JADE2: variants seen among roughly 807,000 people sequenced by gnomAD.
JADE2 encodes E3 ubiquitin-protein ligase Jade-2.
JADE2 carries 13 observed loss-of-function variants against 85.7 expected under a neutral mutation model. That is an observed-to-expected ratio of 0.15 (90% CI 0.10 to 0.24). JADE2 has a LOEUF of 0.24. Ranked by LOEUF, JADE2 falls within the 10% of genes least tolerant of loss-of-function variation. The pLI is 1.00. For missense variants in JADE2, 846 were observed against 1,115.9 expected (o/e 0.76, Z 3.45); for synonymous variants, 440 against 456.1 (o/e 0.96, Z 0.45).
chr5:134,556,434 ACACACACACACAC>A (rs1375667233), intron 4 of JADE2, among the ~76,000 whole-genome samples: 2 of 145,638 alleles, frequency 1.4e-5, no homozygotes, highest in East Asian at 2.0e-4. Context: ...ACATCACACA[ACACACACACACAC>A]CACACACACA....
At position 134,562,438 on chromosome 5, in the gene JADE2, T is replaced by G; in HGVS notation, c.852+71T>G. ...GAAGTGGGTCTGCATGGGACTCAGG[T>G]AGCAGAGCACTGGGAAAAGAAGGTG... On this transcript the variant is annotated intron_variant, in intron 7 of 11. Transcript: ENST00000681547. The surrounding 1 kb of genome is among the most constrained non-coding windows in gnomAD (Gnocchi z 4.6). The G allele has an allele frequency of 2.1e-6, 3 of 1,442,434 alleles. No individual in the cohort carries two copies. The highest frequency in any genetic ancestry group is 2.0e-5 in the Admixed American group (1 of 49,618). The allele number at this position is 1,442,434 out of a possible 1,614,324, so 89.4% of individuals were successfully genotyped here.
chr5:134,566,347 G>C lies in JADE2; in HGVS notation c.1201G>C (p.Glu401Gln), dbSNP rs1009290074. The change falls in exon 9 of 12, where the codon GAG (glutamate) becomes CAG (glutamine). Residue 401 changes from glutamate to glutamine, a missense_variant. By Grantham distance (29) the Glu-to-Gln change is conservative. Around this residue, in one of 9 missense-constraint regions of JADE2, gnomAD observed 88 missense variants for 140.6 expected, o/e 0.63. Transcript: ENST00000681547. This position sits in a 1 kb window ranked among gnomAD's most constrained non-coding sequence, Gnocchi z 6.7. The part of the protein sequence containing the change: ...TLRKQRLQQL[E>Q]EDFYELVEPA... ...GCGCAAGCAGCGGCTGCAGCAGCTAGAGGAGGACTTCTACGAGCTGGTGGA... is the reference window on the plus strand; with the variant it reads ...GCGCAAGCAGCGGCTGCAGCAGCTACAGGAGGACTTCTACGAGCTGGTGGA... The C allele has an allele frequency of 4.3e-6, 7 of 1,613,950 alleles. No homozygotes were observed. The African/African-American group carries it at 8.0e-5, about 18-fold the overall frequency.
intron 4 of JADE2, among the ~76,000 whole-genome samples, chr5:134,553,880 G>A (rs1397914249): frequency 1.3e-5 from 2 of 152,208 alleles, no homozygotes; most frequent in African/African-American, 4.8e-5. Context: ...ACATGGCCCT[G>A]GGTCTTGCCT....
At chr5:134,544,464 A>AG (rs2149906045) in intron 3 of JADE2, 1 of 167,114 alleles carries the variant, frequency 6.0e-6, no homozygotes, top group African/African-American at 2.4e-5. Flanking sequence ...GGGTCCTCCC[A>AG]GGGAGTTGAT....
At chr5:134,524,608 T>A (rs1158821318), upstream of JADE2, among the ~76,000 whole-genome samples, 1 of 151,950 alleles carries the variant, frequency 6.6e-6, no homozygotes, top group African/African-American at 2.4e-5. Context: ...AAAATCCTGC[T>A]GGGGCCAGGA....
Position 134,561,003 on chromosome 5 carries a change from C to T in JADE2, c.684+46C>T, listed in dbSNP as rs776351777. 5.3e-5 allele frequency: 82 copies of T among 1,543,130 alleles called. 2 individuals are homozygous for T. The South Asian group carries it at 6.7e-4, about 13-fold the overall frequency. The stretch of plus-strand genomic sequence containing the variant: ...CCCTCACCTGTGCCATGTATACACA[C>T]GCTGCCTGGCAGCGACCCCCACTTG... On this transcript the variant is annotated intron_variant, in intron 6 of 11. Transcript: ENST00000681547.
Position 134,579,510 on chromosome 5 carries a change from T to TG in JADE2, c.*193_*194insG, listed in dbSNP as rs1764596085. 1.8e-6 allele frequency: 1 copy of TG among 562,054 alleles called. No individual in the cohort carries two copies. Among genetic ancestry groups the TG allele is most frequent in the African/African-American group, 1.9e-5 (1 of 53,466 alleles). 34.8% of individuals were successfully genotyped at this position (562,054 alleles called of 1,614,324 possible). On this transcript the variant is annotated 3_prime_UTR_variant, in exon 12 of 12. Coordinates refer to ENST00000681547, the MANE Select transcript of JADE2 (RefSeq NM_001388185.1). This position sits in a 1 kb window ranked among gnomAD's most constrained non-coding sequence, Gnocchi z 4.6. ...CTTTCCTCTGTGCTGGCCTAGGACATTAGGATTCCTTCCACGGCTCCGGCC... is the reference window on the plus strand; with the variant it reads ...CTTTCCTCTGTGCTGGCCTAGGACATGTAGGATTCCTTCCACGGCTCCGGCC...
At chr5:134,535,951 C>CATTT (rs1561726759) in intron 2 of JADE2, 36 bp downstream of exon 2, 1 of 1,582,830 alleles carries the variant, frequency 6.3e-7, no homozygotes, top group Non-Finnish European at 8.7e-7. Context: ...ACAGGGAAAG[C>CATTT]ATTTGAACAG....
chr5:134,526,593 C>A, intron 1 of JADE2: 2 of 985,400 alleles, frequency 2.0e-6, no homozygotes, highest in Non-Finnish European at 2.4e-6. Flanking sequence ...GCAGCCGGTC[C>A]GGTCCCAGAC....
intron 1 of JADE2, 165 bp downstream of exon 1, chr5:134,526,176 G>A (rs1270636345): frequency 3.0e-6 from 3 of 985,460 alleles, no homozygotes; most frequent in South Asian, 4.7e-5. Context: ...GCGGAGAGGG[G>A]GGGGATGCAC....
Position 134,562,991 on chromosome 5 carries a change from C to A in JADE2, c.852+624C>A. The stretch of plus-strand genomic sequence containing the variant: ...GGGGAAAGCAGGTTGTGGGGTCCAT[C>A]TAAACCTTAGCAGTTGTTCCAACCA... On this transcript the variant is annotated intron_variant, in intron 7 of 11. Transcript: ENST00000681547. The surrounding 1 kb of genome is among the most constrained non-coding windows in gnomAD (Gnocchi z 4.6). Among the ~76,000 whole-genome samples the A allele has an allele frequency of 6.6e-6, 1 of 152,120 alleles. No homozygotes were observed. Among genetic ancestry groups the A allele is most frequent in the East Asian group, 1.9e-4 (1 of 5,184 alleles).
chr5:134,554,904 A>G (rs1762819663), intron 4 of JADE2, among the ~76,000 whole-genome samples: 1 of 152,188 alleles, frequency 6.6e-6, no homozygotes, highest in Non-Finnish European at 1.5e-5. Flanking sequence ...TTTTCATTTA[A>G]CAATCATATT....
Position 134,559,858 on chromosome 5 carries a change from G to T in JADE2, c.340G>T (p.Ala114Ser), listed in dbSNP as rs1455694924. The change falls in exon 5 of 12, where the codon GCC (alanine) becomes TCC (serine). Residue 114 changes from alanine (A) to serine (S), a missense_variant. Ala to Ser is a moderately conservative substitution (Grantham distance 99). Transcript: ENST00000681547. ...RILPPLEGPPAQASPSSTMLG... is the reference protein window; with the variant it reads ...RILPPLEGPPSQASPSSTMLG... The stretch of plus-strand genomic sequence containing the variant: ...CCTCCCACCACTGGAAGGCCCCCCT[G>T]CCCAGGCATCCCCGAGCAGCACCAT... 6.2e-7 allele frequency: 1 copy of T among 1,612,294 alleles called. No individual in the cohort carries two copies. Among genetic ancestry groups the T allele is most frequent in the Non-Finnish European group, 8.5e-7 (1 of 1,179,224 alleles).
chr5:134,577,810 C>T (rs1764472239), intron 11 of JADE2, among the ~76,000 whole-genome samples: 1 of 152,170 alleles, frequency 6.6e-6, no homozygotes, highest in South Asian at 2.1e-4. Context: ...AAGGCTCTGC[C>T]GCCCTCACAT....
chr5:134,549,525 C>CG (rs1031137377), intron 3 of JADE2, among the ~76,000 whole-genome samples: 3 of 152,054 alleles, frequency 2.0e-5, no homozygotes, highest in African/African-American at 7.2e-5. Context: ...GGCAAGGTGG[C>CG]GGGCACCTGT....
chr5:134,563,676 A>G (rs902801321), intron 7 of JADE2, among the ~76,000 whole-genome samples: 2 of 152,200 alleles, frequency 1.3e-5, no homozygotes, highest in African/African-American at 4.8e-5. Context: ...GAAGCCCACA[A>G]TGCGGGCTTC....
chr5:134,554,308 G>C (rs1301390411), intron 4 of JADE2, among the ~76,000 whole-genome samples: 2 of 152,134 alleles, frequency 1.3e-5, no homozygotes, highest in Non-Finnish European at 2.9e-5. Context: ...GGGTGCCCCA[G>C]GCCTCTCCAG....
At chr5:134,576,564 G>A (rs1438716996) in intron 10 of JADE2, among the ~76,000 whole-genome samples, 1 of 151,872 alleles carries the variant, frequency 6.6e-6, no homozygotes, top group Non-Finnish European at 1.5e-5. Flanking sequence ...TCGTGGCCCT[G>A]TGGCCACCCC....
intron 1 of JADE2, among the ~76,000 whole-genome samples, chr5:134,531,054 C>A (rs1413209135): frequency 6.6e-6 from 1 of 152,216 alleles, no homozygotes; most frequent in Non-Finnish European, 1.5e-5. Flanking sequence ...GATGGGTATT[C>A]CGTGGACACT....
Sources: allele counts gnomAD v4.1 joint callset (sites outside exome capture counted in the v4.1 genomes callset), GRCh38; gene constraint gnomAD v4.1.1; regional missense constraint gnomAD v4.1.1; non-coding constraint Gnocchi (gnomAD v3.1); transcripts MANE v1.5; gene names NCBI Gene and HGNC (gene_info 2026-07-23, HGNC 2026-07-21).